The following SLC2A9 variants were observed in gnomAD, a reference collection of about 807,000 sequenced individuals.
SLC2A9 encodes the protein solute carrier family 2, facilitated glucose transporter member 9.
SLC2A9 carries 39 observed loss-of-function variants against 50.6 expected under a neutral mutation model. That is an observed-to-expected ratio of 0.77 (90% CI 0.60 to 1.01). The LOEUF is 1.01. Ranked by LOEUF, SLC2A9 falls within the 50% of genes least tolerant of loss-of-function variation. The probability of loss-of-function intolerance (pLI) is 0.00; values close to 1 mark genes in which losing one functional copy is unlikely to be tolerated. For missense variants in SLC2A9, 686 were observed against 677.6 expected (o/e 1.01, Z -0.14); for synonymous variants, 324 against 276.9 (o/e 1.17, Z -1.69).
At chr4:9,825,408 C>A (rs1724973603), downstream of SLC2A9, among the ~76,000 whole-genome samples, 2 of 152,178 alleles carry the variant, frequency 1.3e-5, no homozygotes, top group Admixed American at 1.3e-4. Flanking sequence ...ATGGTGAACT[C>A]CCCATTTTTC....
At chr4:9,900,743 A>G (rs1739446790) in intron 8 of SLC2A9, among the ~76,000 whole-genome samples, 1 of 152,190 alleles carries the variant, frequency 6.6e-6, no homozygotes, top group African/African-American at 2.4e-5. Context: ...ACTTACAATC[A>G]TGGTGGAAGG....
chr4:9,966,458 C>T (rs1168574186), intron 5 of SLC2A9, among the ~76,000 whole-genome samples: 1 of 152,120 alleles, frequency 6.6e-6, no homozygotes, highest in Non-Finnish European at 1.5e-5. Context: ...GAGTTCGAGA[C>T]CAGCCTGGCC....
chr4:9,954,314 A>C (rs2108869151), intron 5 of SLC2A9, among the ~76,000 whole-genome samples: 1 of 152,378 alleles, frequency 6.6e-6, no homozygotes, highest in Middle Eastern at 3.4e-3. Context: ...GCCTGGCCAC[A>C]GACATGGGGC....
downstream of SLC2A9, among the ~76,000 whole-genome samples, chr4:9,778,171 G>A (rs1717832206): frequency 6.6e-6 from 1 of 151,156 alleles, no homozygotes; most frequent in Admixed American, 6.6e-5. Flanking sequence ...GTGCAGTGGT[G>A]CGATCTCGGC....
rs16892124 is a variant in SLC2A9, at chr4:10,005,208, G to A, written c.250-8267C>T. 9.0e-3 allele frequency among the ~76,000 whole-genome samples: 1,369 copies of A among 152,304 alleles called. 17 individuals are homozygous for A. Among genetic ancestry groups the A allele is most frequent in the African/African-American group, 0.032 (1,315 of 41,568 alleles). On this transcript the variant is annotated intron_variant, in intron 2 of 11. Coordinates refer to ENST00000264784, the MANE Select transcript of SLC2A9 (RefSeq NM_020041.3). ...CAATAGGAAGCCAAGAAAGGCTGTG[G>A]AATCCAAGTCAAGCAAGCAAGAAGG...
chr4:9,873,380 G>T (rs1733766592), intron 10 of SLC2A9, among the ~76,000 whole-genome samples: 1 of 152,226 alleles, frequency 6.6e-6, no homozygotes, highest in East Asian at 1.9e-4. Context: ...CCAGGCAATT[G>T]TAGAATAGCC....
chr4:10,019,156 G>T, intron 1 of SLC2A9, 83 bp from the exon 2 acceptor site: 1 of 1,115,510 alleles, frequency 9.0e-7, no homozygotes, highest in Non-Finnish European at 1.3e-6. Flanking sequence ...TCCCTCAGCT[G>T]GGGGAGGCCT....
chr4:10,034,707 T>C (rs1764042651), intron 1 of SLC2A9: 1 of 152,154 alleles, frequency 6.6e-6, no homozygotes. Flanking sequence ...CACAGGAGTG[T>C]TATGAGGATT....
intron 3 of SLC2A9, among the ~76,000 whole-genome samples, chr4:9,792,163 CTTTTTTTTTTTTT>C (rs34289788): frequency 7.8e-5 from 6 of 77,224 alleles, no homozygotes; most frequent in African/African-American, 2.5e-4. Context: ...TTCTATGTTT[CTTTTTTTTTTTTT>C]TTTTTTTTTT....
chr4:9,826,005 G>A (rs180859433), downstream of SLC2A9, among the ~76,000 whole-genome samples: 10 of 152,250 alleles, frequency 6.6e-5, no homozygotes, highest in East Asian at 1.9e-4. Flanking sequence ...TCTCTAATCC[G>A]TTGAGTCCCC....
Position 9,937,303 on chromosome 4 carries a change from C to G in SLC2A9, c.814+4610G>C, listed in dbSNP as rs373940542. Reference sequence around the variant, plus strand: ...TGGTTTCCGAGCTGTGTTTTCCCGCCCCTTTTTGGCCCTTGGGTTTTCTGT... The same window carrying G: ...TGGTTTCCGAGCTGTGTTTTCCCGCGCCTTTTTGGCCCTTGGGTTTTCTGT... On this transcript the variant is annotated intron_variant, in intron 6 of 11. Coordinates refer to ENST00000264784, the MANE Select transcript of SLC2A9 (RefSeq NM_020041.3). Among the ~76,000 whole-genome samples the G allele has an allele frequency of 1.0e-3, 156 of 152,212 alleles. 1 individual carries two copies. The highest frequency in any genetic ancestry group is 3.6e-3 in the African/African-American group (149 of 41,540).
At chr4:10,037,363 CACTT>C (rs1764140121) in intron 1 of SLC2A9, among the ~76,000 whole-genome samples, 2 of 152,170 alleles carry the variant, frequency 1.3e-5, no homozygotes, top group Non-Finnish European at 2.9e-5. Context: ...TGGCTTCTCT[CACTT>C]AGTGTCATGT....
intron 2 of SLC2A9, among the ~76,000 whole-genome samples, chr4:9,998,132 T>C (rs1759059604): frequency 6.6e-6 from 1 of 152,260 alleles, no homozygotes; most frequent in African/African-American, 2.4e-5. Context: ...ATTCAGTGTG[T>C]TTGGGACAGG....
intron 6 of SLC2A9, among the ~76,000 whole-genome samples, chr4:9,936,762 G>A (rs1747157619): frequency 6.6e-6 from 1 of 152,156 alleles, no homozygotes; most frequent in Non-Finnish European, 1.5e-5. Context: ...GGAAAGAGGA[G>A]GCTGTGAGTG....
intron 8 of SLC2A9, among the ~76,000 whole-genome samples, chr4:9,891,600 T>C (rs1737446715): frequency 6.6e-6 from 1 of 152,174 alleles, no homozygotes; most frequent in Non-Finnish European, 1.5e-5. Context: ...CCTCCTCTCA[T>C]GCTCCATATC....
chr4:9,840,660 CT>C (rs1422350340), intron 10 of SLC2A9, among the ~76,000 whole-genome samples: 1 of 152,024 alleles, frequency 6.6e-6, no homozygotes, highest in African/African-American at 2.4e-5. Flanking sequence ...GGATATTTGT[CT>C]TTTAGGTGTT....
intron 10 of SLC2A9, among the ~76,000 whole-genome samples, chr4:9,852,323 G>C (rs1427810592): frequency 6.6e-6 from 1 of 151,504 alleles, no homozygotes; most frequent in African/African-American, 2.4e-5. Context: ...CGCAATCTCG[G>C]CTCACTGCAA....
intron 10 of SLC2A9, among the ~76,000 whole-genome samples, chr4:9,845,453 G>A (rs1220380480): frequency 4.7e-5 from 4 of 84,850 alleles, no homozygotes; most frequent in East Asian, 2.9e-4. Context: ...TTTTTGAGAC[G>A]GAGTCTCGCT....
intron 3 of SLC2A9, among the ~76,000 whole-genome samples, chr4:9,803,475 A>T (rs1018695330): frequency 6.6e-6 from 1 of 152,232 alleles, no homozygotes; most frequent in African/African-American, 2.4e-5. Flanking sequence ...CTGAGGCTCA[A>T]AGAACTTATG....
Sources: allele counts gnomAD v4.1 joint callset (sites outside exome capture counted in the v4.1 genomes callset), GRCh38; gene constraint gnomAD v4.1.1; transcripts MANE v1.5; gene names NCBI Gene and HGNC (gene_info 2026-07-23, HGNC 2026-07-21).